Variants in CYFIP2 observed in about 807,000 individuals in gnomAD.
CYFIP2 encodes the protein cytoplasmic FMR1 interacting protein 2.
A neutral mutation model predicts 158.7 loss-of-function variants in CYFIP2; 29 were observed. That is an observed-to-expected ratio of 0.18 (90% confidence interval 0.14 to 0.25). The LOEUF is 0.25. Ranked by LOEUF, CYFIP2 falls within the 10% of genes least tolerant of loss-of-function variation. The pLI is 1.00. For synonymous variants in CYFIP2, 585 were observed against 617.6 expected, an observed-to-expected ratio of 0.95 and a Z score of 0.78; for missense variants, 852 against 1,639.5, an observed-to-expected ratio of 0.52 and a Z score of 8.29.
intron 3 of CYFIP2, among the ~76,000 whole-genome samples, chr5:157,291,772 A>G (rs17054428): frequency 0.056 from 8,541 of 152,342 alleles, 495 homozygotes; most frequent in East Asian, 0.26. Flanking sequence ...CAGAACTGTC[A>G]TAAGTAAATT....
chr5:157,322,793 T>C (rs929043551), intron 15 of CYFIP2: 6 of 770,166 alleles, frequency 7.8e-6, no homozygotes, highest in Non-Finnish European at 1.0e-5. Context: ...TTGGAGTGTC[T>C]CAGAGGTGGC....
chr5:157,299,718 T>C (rs1209660865), intron 5 of CYFIP2, among the ~76,000 whole-genome samples: 2 of 152,056 alleles, frequency 1.3e-5, no homozygotes, highest in Non-Finnish European at 2.9e-5. Context: ...CTGGCCAACA[T>C]GGTGAAACCC....
At chr5:157,270,704 C>T (rs1019914966) in intron 1 of CYFIP2, among the ~76,000 whole-genome samples, 5 of 152,104 alleles carry the variant, frequency 3.3e-5, no homozygotes, top group Admixed American at 6.5e-5. Context: ...GGAAACTATA[C>T]GACAGAAGGA....
intron 22 of CYFIP2, 21 bp downstream of exon 22, chr5:157,339,277 A>G: frequency 1.3e-5 from 16 of 1,225,558 alleles, no homozygotes; most frequent in Non-Finnish European, 1.6e-5. Flanking sequence ...CCCTGTGCAG[A>G]GGGGGCCGGG....
intron 21 of CYFIP2, 70 bp downstream of exon 21, chr5:157,333,516 T>C: frequency 6.2e-7 from 1 of 1,604,290 alleles, no homozygotes; most frequent in Non-Finnish European, 8.5e-7. Context: ...ATGGGGACTG[T>C]AGTTAGTCTA....
At chr5:157,285,180 T>C (rs1757277208) in intron 1 of CYFIP2, among the ~76,000 whole-genome samples, 159 bp from the exon 2 acceptor site, 1 of 152,208 alleles carries the variant, frequency 6.6e-6, no homozygotes, top group South Asian at 2.1e-4. Flanking sequence ...ATGTAAAAGA[T>C]ACACATCGAG....
At chr5:157,352,073 A>G (rs1763108480) in intron 23 of CYFIP2, among the ~76,000 whole-genome samples, 1 of 152,338 alleles carries the variant, frequency 6.6e-6, no homozygotes, top group Middle Eastern at 3.4e-3. Context: ...CTTTAAGAAT[A>G]TATTCTCTAA....
intron 23 of CYFIP2, among the ~76,000 whole-genome samples, chr5:157,344,080 A>G (rs756482587): frequency 3.9e-5 from 6 of 152,030 alleles, no homozygotes; most frequent in Non-Finnish European, 8.8e-5. Flanking sequence ...GTGAGTGGAA[A>G]TTCGCTTCGT....
chr5:157,364,680 A>G (rs1019905365), intron 26 of CYFIP2: 1 of 152,198 alleles, frequency 6.6e-6, no homozygotes, highest in South Asian at 2.1e-4. Context: ...CTTTCTACTT[A>G]GACAGCTGGG....
intron 28 of CYFIP2, 96 bp downstream of exon 28, chr5:157,383,455 C>A: frequency 8.8e-7 from 1 of 1,137,450 alleles, no homozygotes. Context: ...GAAACTGAGG[C>A]TCAGAGAAGG....
chr5:157,381,680 G>A (rs1181296746), intron 26 of CYFIP2, among the ~76,000 whole-genome samples: 1 of 152,210 alleles, frequency 6.6e-6, no homozygotes, highest in Non-Finnish European at 1.5e-5. Flanking sequence ...TTAAACAGGA[G>A]TTGGGGCTCC....
chr5:157,343,630 G>T, intron 23 of CYFIP2: 1 of 1,072,548 alleles, frequency 9.3e-7, no homozygotes, highest in Non-Finnish European at 1.3e-6. Flanking sequence ...TTGCACATTT[G>T]AGACGGGCAC....
intron 15 of CYFIP2, among the ~76,000 whole-genome samples, chr5:157,321,833 G>A (rs991017419): frequency 6.6e-6 from 1 of 152,202 alleles, no homozygotes; most frequent in African/African-American, 2.4e-5. Context: ...AATCTCACCG[G>A]CTGGTTGTAG....
At chr5:157,360,708 C>T (rs1443698850) in intron 25 of CYFIP2, among the ~76,000 whole-genome samples, 4 of 152,142 alleles carry the variant, frequency 2.6e-5, no homozygotes, top group Non-Finnish European at 5.9e-5. Flanking sequence ...CCTCCATCTG[C>T]ATATTTGGGG....
chr5:157,323,603 A>G (rs1411203787), intron 15 of CYFIP2, among the ~76,000 whole-genome samples: 1 of 152,148 alleles, frequency 6.6e-6, no homozygotes, highest in Admixed American at 6.5e-5. Flanking sequence ...CCCTCTGGGA[A>G]AGCAGGGAGT....
intron 1 of CYFIP2, among the ~76,000 whole-genome samples, chr5:157,285,002 C>T (rs757542230): frequency 6.6e-5 from 10 of 152,156 alleles, no homozygotes; most frequent in Non-Finnish European, 8.8e-5. Context: ...CTTGAGGTCC[C>T]TCGCTTGTGG....
intron 1 of CYFIP2, among the ~76,000 whole-genome samples, chr5:157,275,425 A>G (rs929469631): frequency 1.3e-5 from 2 of 152,222 alleles, no homozygotes; most frequent in Non-Finnish European, 2.9e-5. Flanking sequence ...TTCTTTCTAC[A>G]TCTCTTGTCA....
At chr5:157,294,129 C>A (rs955123528) in intron 3 of CYFIP2, among the ~76,000 whole-genome samples, 2 of 152,208 alleles carry the variant, frequency 1.3e-5, no homozygotes, top group African/African-American at 4.8e-5. Context: ...GGAAAGTATG[C>A]CTACATCTTC....
chr5:157,283,176 G>A (rs1024456741), intron 1 of CYFIP2, among the ~76,000 whole-genome samples: 13 of 152,172 alleles, frequency 8.5e-5, no homozygotes, highest in South Asian at 2.1e-4. Flanking sequence ...ATTAAATGCC[G>A]AGGTTCTGTT....
Sources: gnomAD v4.1 joint callset for allele counts (sites outside exome capture counted in the v4.1 genomes callset) on GRCh38, gnomAD v4.1.1 for gene constraint, MANE v1.5 for transcripts, NCBI Gene and HGNC (gene_info 2026-07-23, HGNC 2026-07-21) for gene names.